The following UBR4 variants were observed in gnomAD, a reference collection of about 807,000 sequenced individuals.
UBR4 encodes ubiquitin protein ligase E3 component n-recognin 4.
In UBR4, 124 loss-of-function variants were observed where a neutral mutation model predicts 575.6. The observed-to-expected ratio is 0.22, with a 90% CI of 0.19 to 0.25. The LOEUF (loss-of-function observed/expected upper bound fraction) is 0.25, where lower values mean the gene tolerates loss of function less well. Among genes scored for constraint, UBR4 ranks in the 10% least tolerant of loss-of-function variants. The pLI is 1.00. For synonymous variants in UBR4, 2,455 were observed against 2,473.7 expected, an observed-to-expected ratio of 0.99 and a Z score of 0.22; for missense variants, 4,818 against 6,478.8, an observed-to-expected ratio of 0.74 and a Z score of 8.80.
intron 1 of UBR4, among the ~76,000 whole-genome samples, chr1:19,207,328 C>T (rs1379062110): frequency 6.6e-6 from 1 of 152,194 alleles, no homozygotes; most frequent in East Asian, 1.9e-4. Flanking sequence ...TTTAGAAAGA[C>T]AAATAAATAA....
At chr1:19,147,950 C>A (rs761212962) in intron 51 of UBR4, 43 bp downstream of exon 51, 2 of 1,592,500 alleles carry the variant, frequency 1.3e-6, no homozygotes, top group South Asian at 1.1e-5. Context: ...TTATTTGATT[C>A]CCTGTCAGCA....
At chr1:19,133,182 T>G (rs2082736618) in intron 60 of UBR4, among the ~76,000 whole-genome samples, 1 of 152,080 alleles carries the variant, frequency 6.6e-6, no homozygotes, top group Non-Finnish European at 1.5e-5. Context: ...AAACTAAAAA[T>G]TAGCAAATCA....
intron 60 of UBR4, among the ~76,000 whole-genome samples, chr1:19,134,086 TA>T (rs71030132): frequency 0.14 from 7,224 of 52,344 alleles, 187 homozygotes; most frequent in African/African-American, 0.16. Context: ...ACTCTGTCTC[TA>T]AAAAAAAAAA....
chr1:19,186,713 AT>A, intron 13 of UBR4, 56 bp from the exon 14 acceptor site: 1 of 1,535,394 alleles, frequency 6.5e-7, no homozygotes, highest in Non-Finnish European at 9.0e-7. Context: ...CATGCATCGC[AT>A]GAAAACTTTC....
chr1:19,147,921 T>C (rs2085095324), intron 51 of UBR4, 72 bp downstream of exon 51: 16 of 1,569,736 alleles, frequency 1.0e-5, no homozygotes, highest in Non-Finnish European at 1.3e-5. Context: ...GTGCTGTTGC[T>C]TTACAATGAA....
In UBR4 at chr1:19,157,805, G is replaced by C. The variant is rs150351044; in HGVS notation, c.5760+10C>G. Reference sequence around the variant, plus strand: ...ACCTAAAGTAAGCGCACAAGAATTGGAGGACCCACCTTGCCCTTCTCATGG... The same window carrying C: ...ACCTAAAGTAAGCGCACAAGAATTGCAGGACCCACCTTGCCCTTCTCATGG... On this transcript the variant is annotated intron_variant, in intron 40 of 105. Transcript: ENST00000375254. This position sits in a 1 kb window ranked among gnomAD's most constrained non-coding sequence, Gnocchi z 4.4. The C allele has an allele frequency of 1.2e-6, 2 of 1,611,636 alleles. No homozygotes were observed. Among genetic ancestry groups the C allele is most frequent in the Non-Finnish European group, 1.7e-6 (2 of 1,178,190 alleles).
At chr1:19,190,305 A>AG (rs2091949505) in intron 11 of UBR4, among the ~76,000 whole-genome samples, 1 of 121,038 alleles carries the variant, frequency 8.3e-6, no homozygotes, top group Non-Finnish European at 1.7e-5. Flanking sequence ...AAAAAAAAAA[A>AG]AAAAAAAATA....
Position 19,093,915 on chromosome 1 carries a change from T to G in UBR4, c.13937+34A>C. 1 of 1,591,458 alleles carries G rather than the reference T, an allele frequency of 6.3e-7. No homozygotes were observed. The highest frequency in any genetic ancestry group is 1.3e-5 in the African/African-American group (1 of 74,534). ...CCTAGTTCGGCGTTTTAGTGGAGACTCTCATTTCACTATATGAAATCAAAG... is the reference window on the plus strand; with the variant it reads ...CCTAGTTCGGCGTTTTAGTGGAGACGCTCATTTCACTATATGAAATCAAAG... On this transcript the variant is annotated intron_variant, in intron 95 of 105. Transcript: ENST00000375254. This position sits in a 1 kb window ranked among gnomAD's most constrained non-coding sequence, Gnocchi z 4.8.
intron 11 of UBR4, among the ~76,000 whole-genome samples, chr1:19,191,893 A>G (rs2092113028): frequency 6.6e-6 from 1 of 152,258 alleles, no homozygotes; most frequent in Non-Finnish European, 1.5e-5. Context: ...GCTTTACAAG[A>G]CAGAAACATG....
chr1:19,169,552 C>T lies in UBR4; in HGVS notation c.3644-20G>A. 3 of 1,604,056 alleles carry T rather than the reference C, an allele frequency of 1.9e-6. No individual in the cohort carries two copies. Among genetic ancestry groups the T allele is most frequent in the Non-Finnish European group, 2.6e-6 (3 of 1,174,556 alleles). On this transcript the variant is annotated intron_variant, in intron 26 of 105. Transcript: ENST00000375254. Reference sequence around the variant, plus strand: ...TCGGACCTGGAGGCGACAGAAAGGACAAGGAATCATCACAAGAAAGAAGGA... The same window carrying T: ...TCGGACCTGGAGGCGACAGAAAGGATAAGGAATCATCACAAGAAAGAAGGA...
At chr1:19,082,265 C>A (rs11579961) in intron 102 of UBR4, 1 of 161,152 alleles carries the variant, frequency 6.2e-6, no homozygotes, top group Admixed American at 5.9e-5. Context: ...AAGTGCTTTA[C>A]GGGATTATTT....
At position 19,201,749 on chromosome 1, in the gene UBR4, G is replaced by A. The variant is rs530401074; in HGVS notation, c.243C>T (p.Ser81=). 62 of 1,614,044 alleles carry A rather than the reference G, an allele frequency of 3.8e-5. 1 individual carries two copies. The Middle Eastern group carries it at 9.9e-4, about 26-fold the overall frequency. Residue 81 remains serine, a synonymous_variant, in exon 2 of 106, where the codon TCC becomes TCT. Transcript: ENST00000375254. ...TGCAAACTGTTGTAATATAGTGTGT[G>A]GAAAGTGCAACAAAAGATGAGTAGA... ...EPFYSSFVAL[S]THYITTVCSL... is the part of the protein sequence containing the mutation.
rs2077786886 is a variant in UBR4 at position 19,094,049 on chromosome 1, G to A, written c.13837C>T (p.Leu4613Phe). 1 of 1,614,146 alleles carries A rather than the reference G, an allele frequency of 6.2e-7. No individual in the cohort carries two copies. Among genetic ancestry groups the A allele is most frequent in the Non-Finnish European group, 8.5e-7 (1 of 1,180,026 alleles). The change falls in exon 95 of 106, where the codon CTC becomes TTC. Residue 4613 changes from leucine to phenylalanine, a missense_variant. Physicochemically the swap from Leu to Phe is conservative, Grantham distance 22. Around this residue, in one of 29 missense-constraint regions of UBR4, gnomAD observed 165 missense variants for 282.3 expected, o/e 0.58. Coordinates refer to ENST00000375254, the MANE Select transcript of UBR4 (RefSeq NM_020765.3). ...GGGATGATGCGAAGCAGGCCCTGGA[G>A]CACACTGGGGTTGGAGCGAACAAAG... is the stretch of plus-strand genomic sequence containing the variant. Reference protein sequence around the residue: ...STFVRSNPSVLQGLLRIIPYL... With the variant: ...STFVRSNPSVFQGLLRIIPYL...
chr1:19,093,866 G>A lies in UBR4; in HGVS notation c.13937+83C>T, dbSNP rs1226220441. 4.8e-6 allele frequency: 7 copies of A among 1,460,030 alleles called. No individual in the cohort carries two copies. The South Asian group carries it at 6.8e-5, about 14-fold the overall frequency. 90.4% of individuals were successfully genotyped at this position (1,460,030 alleles called of 1,614,324 possible). A position where few individuals can be genotyped will look rare whatever the true frequency, so the allele number is the denominator to read the frequency against. ...GACACAAAAATCTAATAGGTATTCA[G>A]AGGATTCTTCCTCATCTCACAGACC... is the stretch of plus-strand genomic sequence containing the variant. On this transcript the variant is annotated intron_variant, in intron 95 of 105. Transcript: ENST00000375254. The surrounding 1 kb of genome is among the most constrained non-coding windows in gnomAD (Gnocchi z 4.8).
intron 87 of UBR4, 31 bp downstream of exon 87, chr1:19,104,053 C>T (rs2078932651): frequency 1.9e-6 from 3 of 1,611,246 alleles, no homozygotes; most frequent in African/African-American, 1.3e-5. Context: ...AGGGACAGTG[C>T]CTTAGGCTCC....
intron 15 of UBR4, 78 bp downstream of exon 15, chr1:19,185,021 T>C (rs115196222): frequency 4.4e-4 from 685 of 1,560,944 alleles, no homozygotes; most frequent in Non-Finnish European, 5.4e-4. Context: ...CACAAAATGT[T>C]TGCATTCAAA....
rs2084304148 is a variant in UBR4, at chr1:19,143,266, GAAAGAAAGAAAGAAAGAAAGA to G, written c.8179+693_8179+713del. ...AGGAAGGAAGGAAGGAAGGAAGAAA[GAAAGAAAGAAAGAAAGAAAGA>G]AAGAAAGAAAGAAAGAAAGAAAGAA... On this transcript the variant is annotated intron_variant, in intron 55 of 105. Transcript: ENST00000375254. Among the ~76,000 whole-genome samples the G allele has an allele frequency of 1.8e-4, 10 of 54,254 alleles. 1 individual carries two copies. Among genetic ancestry groups the G allele is most frequent in the African/African-American group, 4.8e-4 (8 of 16,578 alleles). The allele number at this position is 54,254 out of a possible 152,430, so 35.6% of individuals were successfully genotyped here. A position where few individuals can be genotyped will look rare whatever the true frequency, so the allele number is the denominator to read the frequency against.
chr1:19,147,924 A>C (rs2085095752), intron 51 of UBR4, 69 bp downstream of exon 51: 1 of 1,570,342 alleles, frequency 6.4e-7, no homozygotes, highest in Non-Finnish European at 8.6e-7. Context: ...CTGTTGCTTT[A>C]CAATGAAAAG....
Position 19,177,505 on chromosome 1 carries a change from G to A in UBR4, c.2593C>T (p.Leu865=), listed in dbSNP as rs1466698002. The change falls in exon 19 of 106, where the codon CTG becomes TTG. Residue 865 remains leucine, a synonymous_variant. Transcript: ENST00000375254. ...GGGGCTTTGGAGTACTGATGAAGCA[G>A]ATAATCAAAGATGAGAAGGAGGCGA... The part of the protein sequence containing the change: ...LARLLLIFDY[L]LHQYSKAPVY... 6.2e-7 allele frequency: 1 copy of A among 1,613,890 alleles called. No homozygotes were observed. Among genetic ancestry groups the A allele is most frequent in the African/African-American group, 1.3e-5 (1 of 74,904 alleles).
Sources: gnomAD v4.1 joint callset for allele counts (sites outside exome capture counted in the v4.1 genomes callset) on GRCh38, gnomAD v4.1.1 for gene constraint, gnomAD v4.1.1 regional missense constraint, Gnocchi (gnomAD v3.1) non-coding constraint, MANE v1.5 for transcripts, NCBI Gene and HGNC (gene_info 2026-07-23, HGNC 2026-07-21) for gene names.